The following SMARCAD1 variants were observed in gnomAD, a reference collection of about 807,000 sequenced individuals.
SMARCAD1 encodes the protein SWI/SNF-related matrix-associated actin-dependent regulator of chromatin subfamily A containing DEAD/H box 1.
A neutral mutation model predicts 127.1 loss-of-function variants in SMARCAD1; 25 were observed. That is an observed-to-expected ratio of 0.20 (90% CI 0.14 to 0.27). SMARCAD1 has a LOEUF of 0.27. SMARCAD1 is among the 10% of genes least tolerant of loss of function. The pLI is 1.00. For missense variants in SMARCAD1, 807 were observed against 1,206.0 expected (o/e 0.67, Z 4.90); for synonymous variants, 400 against 396.9 (o/e 1.01, Z -0.09).
At chr4:94,285,164 C>G (rs1013468056) in intron 23 of SMARCAD1, 95 bp downstream of exon 23, 9 of 811,948 alleles carry the variant, frequency 1.1e-5, no homozygotes, top group Non-Finnish European at 1.7e-5. Context: ...GCTACCTTAA[C>G]TAGCTTACAG....
chr4:94,279,759 T>C (rs1383637157), intron 19 of SMARCAD1, among the ~76,000 whole-genome samples: 9 of 152,236 alleles, frequency 5.9e-5, no homozygotes, highest in African/African-American at 1.9e-4. Context: ...TTTATTTCTT[T>C]ATAATTTTAG....
chr4:94,225,623 G>A (rs1744870811), intron 2 of SMARCAD1, among the ~76,000 whole-genome samples: 2 of 152,150 alleles, frequency 1.3e-5, no homozygotes, highest in African/African-American at 4.8e-5. Flanking sequence ...ATTCATAAGA[G>A]CTAATATTTA....
intron 19 of SMARCAD1, among the ~76,000 whole-genome samples, chr4:94,280,301 C>G (rs1444476264): frequency 6.6e-6 from 1 of 152,004 alleles, no homozygotes; most frequent in Non-Finnish European, 1.5e-5. Context: ...GATAATAACA[C>G]CACCCTTGTT....
In SMARCAD1 at chr4:94,290,795, TATAA is replaced by T. The variant is rs1349961105; in HGVS notation, c.*1267_*1270del. The stretch of plus-strand genomic sequence containing the variant: ...TTTGTTTTTATTATGTAAATATCAT[TATAA>T]ATAAACTTATTTATAAATCAAAGAT... On this transcript the variant is annotated 3_prime_UTR_variant, in exon 24 of 24. Coordinates refer to ENST00000354268, the MANE Select transcript of SMARCAD1 (RefSeq NM_020159.5). 1 of 431,570 alleles carries T rather than the reference TATAA, an allele frequency of 2.3e-6. No individual in the cohort carries two copies. The highest frequency in any genetic ancestry group is 4.6e-6 in the Non-Finnish European group (1 of 219,148). The allele number at this position is 431,570 out of a possible 1,614,324, so 26.7% of individuals were successfully genotyped here.
intron 3 of SMARCAD1, among the ~76,000 whole-genome samples, chr4:94,228,698 T>G (rs1745386843): frequency 1.3e-5 from 2 of 152,016 alleles, no homozygotes; most frequent in Non-Finnish European, 2.9e-5. Context: ...GTTCTGTTGC[T>G]AGTTCCTTAT....
intron 3 of SMARCAD1, 66 bp downstream of exon 3, chr4:94,226,362 T>A: frequency 3.3e-6 from 4 of 1,228,636 alleles, no homozygotes; most frequent in East Asian, 2.5e-5. Context: ...AAAACCTACC[T>A]AATTTGAGAT....
At chr4:94,272,409 A>G (rs1385304450) in intron 11 of SMARCAD1, among the ~76,000 whole-genome samples, 1 of 152,248 alleles carries the variant, frequency 6.6e-6, no homozygotes, top group East Asian at 1.9e-4. Flanking sequence ...ATTTAGTTGC[A>G]GTAAAATGTA....
Position 94,280,574 on chromosome 4 carries a change from G to C in SMARCAD1, c.2419-18G>C, listed in dbSNP as rs1753880129. On this transcript the variant is annotated intron_variant, in intron 19 of 23. Coordinates refer to ENST00000354268, the MANE Select transcript of SMARCAD1 (RefSeq NM_020159.5). ...TTATTTTTATTTTGAAGTATACTGT[G>C]TTTTGTTTTGTTTTAAGGAACCTAC... is the stretch of plus-strand genomic sequence containing the variant. 2 of 1,604,000 alleles carry C rather than the reference G, an allele frequency of 1.2e-6. No homozygotes were observed. The highest frequency in any genetic ancestry group is 2.2e-5 in the South Asian group (2 of 90,848).
chr4:94,253,707 G>C (rs1260507278), intron 9 of SMARCAD1: 2 of 995,262 alleles, frequency 2.0e-6, no homozygotes, highest in Non-Finnish European at 2.4e-6. Context: ...TCTGGAATTT[G>C]ACTTTCTATA....
chr4:94,254,050 A>T (rs747424560), intron 9 of SMARCAD1, among the ~76,000 whole-genome samples: 5 of 152,194 alleles, frequency 3.3e-5, no homozygotes, highest in Non-Finnish European at 5.9e-5. Context: ...TGAAGTGGCA[A>T]TAGGGGAGAG....
chr4:94,229,205 G>A (rs577575298), intron 3 of SMARCAD1, among the ~76,000 whole-genome samples: 3 of 151,996 alleles, frequency 2.0e-5, no homozygotes, highest in Admixed American at 6.6e-5. Flanking sequence ...AGTCCTATTC[G>A]CTAGCCAGCT....
chr4:94,281,262 G>C (rs182663931), intron 20 of SMARCAD1, among the ~76,000 whole-genome samples: 1 of 152,288 alleles, frequency 6.6e-6, no homozygotes, highest in African/African-American at 2.4e-5. Context: ...TTTTAGCCCT[G>C]AAGTTAAGGC....
intron 2 of SMARCAD1, among the ~76,000 whole-genome samples, chr4:94,224,866 T>C (rs1459444906): frequency 6.6e-6 from 1 of 152,216 alleles, no homozygotes; most frequent in Non-Finnish European, 1.5e-5. Flanking sequence ...ATGTTTATTA[T>C]ATTTGAAGAC....
intron 3 of SMARCAD1, among the ~76,000 whole-genome samples, chr4:94,226,904 A>G (rs139052708): frequency 1.7e-3 from 249 of 150,846 alleles, no homozygotes; most frequent in African/African-American, 5.3e-3. Flanking sequence ...GGGTCTTGCT[A>G]TGTTGTCCAG....
Position 94,280,753 on chromosome 4 carries a change from A to G in SMARCAD1, c.2580A>G (p.Gly860=), listed in dbSNP as rs1417686989. 4 of 1,613,530 alleles carry G rather than the reference A, an allele frequency of 2.5e-6. No individual in the cohort carries two copies. The East Asian group carries it at 8.9e-5, about 36-fold the overall frequency. ...ILDSGKFRVL[G]CILSELKQKG... The stretch of plus-strand genomic sequence containing the variant: ...ATTCTGGAAAATTTCGAGTTTTAGG[A>G]TGCATCTTGTCTGAATTGAAACAGA... Residue 860 remains glycine, a synonymous_variant, in exon 20 of 24, where the codon GGA becomes GGG. Coordinates refer to ENST00000354268, the MANE Select transcript of SMARCAD1 (RefSeq NM_020159.5).
intron 2 of SMARCAD1, among the ~76,000 whole-genome samples, chr4:94,220,773 A>G (rs952135846): frequency 8.5e-5 from 13 of 152,370 alleles, no homozygotes; most frequent in Admixed American, 2.6e-4. Flanking sequence ...CTAGTAGTCA[A>G]TGTATTCTTA....
intron 4 of SMARCAD1, among the ~76,000 whole-genome samples, chr4:94,235,707 A>G (rs1430733536): frequency 6.6e-6 from 1 of 151,366 alleles, no homozygotes; most frequent in Non-Finnish European, 1.5e-5. Context: ...TAAAGCAGTA[A>G]TAAGGAAAGA....
In SMARCAD1 at chr4:94,290,892, C is replaced by T; in HGVS notation, c.*1358C>T. 1 of 453,588 alleles carries T rather than the reference C, an allele frequency of 2.2e-6. No individual in the cohort carries two copies. The highest frequency in any genetic ancestry group is 4.4e-6 in the Non-Finnish European group (1 of 226,470). The allele number at this position is 453,588 out of a possible 1,614,324, so 28.1% of individuals were successfully genotyped here. On this transcript the variant is annotated 3_prime_UTR_variant, in exon 24 of 24. Transcript: ENST00000354268. ...TGCTAAGATGCTAGGTAGTACGACC[C>T]TCTGGATTTGGAAGGCAAATAAAAC...
intron 23 of SMARCAD1, 45 bp downstream of exon 23, chr4:94,285,114 C>A (rs1268340045): frequency 2.5e-6 from 3 of 1,218,388 alleles, no homozygotes; most frequent in South Asian, 2.4e-5. Context: ...TCTATATGAC[C>A]ATGCATCTAA....
Sources: allele counts gnomAD v4.1 joint callset (sites outside exome capture counted in the v4.1 genomes callset), GRCh38; gene constraint gnomAD v4.1.1; transcripts MANE v1.5; gene names NCBI Gene and HGNC (gene_info 2026-07-23, HGNC 2026-07-21).